RORA: variants seen among roughly 807,000 people sequenced by gnomAD.
RORA encodes the protein RAR related orphan receptor A.
Under a neutral mutation model 69.5 loss-of-function variants are expected in RORA, and 7 were observed. The observed-to-expected ratio is 0.10, with a 90% CI of 0.06 to 0.19. The LOEUF (loss-of-function observed/expected upper bound fraction) is 0.19, where lower values mean the gene tolerates loss of function less well. Among genes scored for constraint, RORA ranks in the 10% least tolerant of loss-of-function variants. The pLI is 1.00. For missense variants in RORA, 457 were observed against 663.0 expected (o/e 0.69, Z 3.41); for synonymous variants, 261 against 240.8 (o/e 1.08, Z -0.78).
chr15:60,890,430 G>A (rs2073800876), intron 1 of RORA, among the ~76,000 whole-genome samples: 1 of 152,200 alleles, frequency 6.6e-6, no homozygotes, highest in South Asian at 2.1e-4. Context: ...TGTACCGCTT[G>A]TCCACACCAT....
At chr15:60,870,623 C>T (rs965693933) in intron 1 of RORA, among the ~76,000 whole-genome samples, 10 of 152,330 alleles carry the variant, frequency 6.6e-5, no homozygotes, top group South Asian at 2.1e-4. Flanking sequence ...ACTGTATATG[C>T]GTGGTGACGC....
At chr15:61,037,527 C>A (rs901089602) in intron 1 of RORA, among the ~76,000 whole-genome samples, 34 of 152,174 alleles carry the variant, frequency 2.2e-4, no homozygotes. Context: ...GACAAAGCAA[C>A]AGAACCAGCA....
intron 1 of RORA, among the ~76,000 whole-genome samples, chr15:60,893,436 A>G (rs1473195294): frequency 6.6e-6 from 1 of 152,198 alleles, no homozygotes; most frequent in East Asian, 1.9e-4. Context: ...CTGGACAACC[A>G]AACCCCCACT....
chr15:60,896,792 G>T (rs1014758048), intron 1 of RORA, among the ~76,000 whole-genome samples: 13 of 148,636 alleles, frequency 8.7e-5, no homozygotes, highest in African/African-American at 3.2e-4. Flanking sequence ...AATGACACAG[G>T]CCTGAGTGGA....
chr15:61,132,519 A>G (rs751989), intron 1 of RORA, among the ~76,000 whole-genome samples: 1 of 152,258 alleles, frequency 6.6e-6, no homozygotes, highest in Non-Finnish European at 1.5e-5. Context: ...TATAGTAATC[A>G]CAAGATACTT....
At chr15:60,959,728 G>A (rs564217525) in intron 1 of RORA, among the ~76,000 whole-genome samples, 23 of 152,272 alleles carry the variant, frequency 1.5e-4, no homozygotes, top group Admixed American at 3.9e-4. Flanking sequence ...CTGGGAAACT[G>A]GTAGGACGCA....
At chr15:61,121,450 A>G (rs956368219) in intron 1 of RORA, among the ~76,000 whole-genome samples, 1 of 152,232 alleles carries the variant, frequency 6.6e-6, no homozygotes, top group Non-Finnish European at 1.5e-5. Flanking sequence ...TTGCTGCTAC[A>G]GAAAGAATTT....
At position 60,613,354 on chromosome 15, in the gene RORA, T is replaced by C. The variant is rs188449080; in HGVS notation, c.196+65303A>G. Among the ~76,000 whole-genome samples, 313 of 152,292 alleles carry C rather than the reference T, an allele frequency of 2.1e-3. 3 individuals carry two copies. Among genetic ancestry groups the C allele is most frequent in the African/African-American group, 7.2e-3 (298 of 41,562 alleles). On this transcript the variant is annotated intron_variant, in intron 2 of 10. Coordinates refer to ENST00000335670, the MANE Select transcript of RORA (RefSeq NM_134261.3). ...TGTGCCTTGGAAATGACATGTAGACTAACCCTTTAGAGTGAAGGTTTTTCT... is the reference window on the plus strand; with the variant it reads ...TGTGCCTTGGAAATGACATGTAGACCAACCCTTTAGAGTGAAGGTTTTTCT...
intron 1 of RORA, among the ~76,000 whole-genome samples, chr15:60,854,664 T>C (rs377244299): frequency 6.6e-6 from 1 of 152,160 alleles, no homozygotes; most frequent in East Asian, 1.9e-4. Flanking sequence ...CAGAAATACA[T>C]AAATAACAAA....
intron 6 of RORA, among the ~76,000 whole-genome samples, chr15:60,504,982 G>C (rs1312628309): frequency 6.6e-6 from 1 of 152,172 alleles, no homozygotes; most frequent in East Asian, 1.9e-4. Context: ...AGATAATCTT[G>C]TTGATCTGGG....
At chr15:60,816,866 T>C (rs1387956124) in intron 1 of RORA, among the ~76,000 whole-genome samples, 2 of 152,198 alleles carry the variant, frequency 1.3e-5, no homozygotes, top group African/African-American at 4.8e-5. Flanking sequence ...AACATTTTTA[T>C]TGTTTTAAAA....
chr15:60,595,317 A>G (rs1340169709), intron 2 of RORA, among the ~76,000 whole-genome samples: 1 of 152,134 alleles, frequency 6.6e-6, no homozygotes, highest in African/African-American at 2.4e-5. Context: ...GTTCAAGACC[A>G]ACCTGGGCAA....
At chr15:60,878,170 C>CAAAAAAA (rs11362081) in intron 1 of RORA, among the ~76,000 whole-genome samples, 3 of 69,680 alleles carry the variant, frequency 4.3e-5, no homozygotes, top group East Asian at 4.9e-4. Context: ...ACTAAAAATA[C>CAAAAAAA]AAAAAAAAAA....
chr15:60,979,268 CTTTTTTTTTTTTT>C (rs767729204), intron 1 of RORA, among the ~76,000 whole-genome samples: 48 of 64,276 alleles, frequency 7.5e-4, no homozygotes, highest in African/African-American at 2.5e-3. Context: ...CTAGCCCTTG[CTTTTTTTTTTTTT>C]TTTTTTTTTT....
intron 1 of RORA, among the ~76,000 whole-genome samples, chr15:60,996,861 G>C (rs112794264): frequency 0.23 from 35,221 of 151,296 alleles, 5,064 homozygotes; most frequent in African/African-American, 0.41. Flanking sequence ...AGTGAGTGGA[G>C]ATCACGCCAC....
chr15:60,541,234 G>A (rs2066862054), intron 2 of RORA, among the ~76,000 whole-genome samples: 1 of 152,128 alleles, frequency 6.6e-6, no homozygotes, highest in African/African-American at 2.4e-5. Context: ...CCAGGACATG[G>A]TCATTAACAT....
intron 1 of RORA, among the ~76,000 whole-genome samples, chr15:60,796,330 C>T (rs2072495636): frequency 6.6e-6 from 1 of 152,174 alleles, no homozygotes; most frequent in Non-Finnish European, 1.5e-5. Flanking sequence ...AAGCCTGATT[C>T]TAAACTTGGA....
At chr15:60,651,139 A>G (rs894247943) in intron 2 of RORA, among the ~76,000 whole-genome samples, 3 of 152,196 alleles carry the variant, frequency 2.0e-5, no homozygotes, top group Admixed American at 2.0e-4. Flanking sequence ...GGCAGAGGAA[A>G]TATTATCACT....
At chr15:61,210,382 T>C (rs993958551) in intron 1 of RORA, among the ~76,000 whole-genome samples, 3 of 152,142 alleles carry the variant, frequency 2.0e-5, no homozygotes, top group Admixed American at 6.5e-5. Flanking sequence ...GCTGTACTTA[T>C]AGGCAATAAG....
Sources: gnomAD v4.1 joint callset for allele counts (sites outside exome capture counted in the v4.1 genomes callset) on GRCh38, gnomAD v4.1.1 for gene constraint, MANE v1.5 for transcripts, NCBI Gene and HGNC (gene_info 2026-07-23, HGNC 2026-07-21) for gene names.